Variants in CHD4 observed in about 807,000 individuals in gnomAD.
The protein encoded by CHD4 is chromodomain helicase DNA binding protein 4.
A neutral mutation model predicts 235.5 loss-of-function variants in CHD4; 35 were observed. The observed-to-expected ratio is 0.15, with a 90% CI of 0.11 to 0.20. The LOEUF is 0.20. Ranked by LOEUF, CHD4 falls within the 10% of genes least tolerant of loss-of-function variation. The pLI, the probability that CHD4 is intolerant of heterozygous loss-of-function variation, is 1.00. For synonymous variants in CHD4, 900 were observed against 850.2 expected, an observed-to-expected ratio of 1.06 and a Z score of -1.02; for missense variants, 1,329 against 2,432.3, an observed-to-expected ratio of 0.55 and a Z score of 9.54.
At chr12:6,589,625 G>A (rs1948356925) in intron 22 of CHD4, among the ~76,000 whole-genome samples, 1 of 151,486 alleles carries the variant, frequency 6.6e-6, no homozygotes, top group Non-Finnish European at 1.5e-5. Context: ...AAATTAGCCG[G>A]GCGTGGTGGC....
chr12:6,592,595 T>C (rs1948419515), intron 18 of CHD4, 29 bp from the exon 19 acceptor site: 2 of 1,582,124 alleles, frequency 1.3e-6, no homozygotes, highest in East Asian at 2.3e-5. Flanking sequence ...AAAAAGTTAT[T>C]GGAGAAGGAG....
intron 1 of CHD4, chr12:6,606,861 G>A (rs1009380515): frequency 6.5e-6 from 1 of 154,022 alleles, no homozygotes; most frequent in African/African-American, 2.4e-5. Context: ...CCCCAGACAG[G>A]GCAGCTCTCC....
At chr12:6,597,816 G>A (rs11064276) in intron 12 of CHD4, 78 bp downstream of exon 12, 41,067 of 1,275,136 alleles carry the variant, frequency 0.032, 2,508 homozygotes, top group East Asian at 0.28. Context: ...CTAAGTTACT[G>A]GTGACAGCCA....
Position 6,600,529 on chromosome 12 carries a change from C to T in CHD4, c.1063+5G>A. ...CCATCACAAATATACAGAAGAGAAACACACCTTTCTTTTTCTTTTTAGTGG... is the reference window on the plus strand; with the variant it reads ...CCATCACAAATATACAGAAGAGAAATACACCTTTCTTTTTCTTTTTAGTGG... On this transcript the variant is annotated splice_donor_5th_base_variant and intron_variant, in intron 8 of 39. Coordinates refer to ENST00000544040, the MANE Select transcript of CHD4 (RefSeq NM_001273.5). The T allele has an allele frequency of 6.4e-7, 1 of 1,574,378 alleles. No individual in the cohort carries two copies. Among genetic ancestry groups the T allele is most frequent in the South Asian group, 1.1e-5 (1 of 90,376 alleles).
chr12:6,595,681 G>A (rs1018772391), intron 13 of CHD4, among the ~76,000 whole-genome samples: 30 of 151,908 alleles, frequency 2.0e-4, no homozygotes, highest in African/African-American at 6.0e-4. Context: ...TCAGCTACTC[G>A]GGAGACTGAG....
In CHD4 at chr12:6,592,419, C is replaced by T. The variant is rs1270228072; in HGVS notation, c.2922G>A (p.Val974=). The stretch of plus-strand genomic sequence containing the variant: ...TCTGCATAGGGCTCAGCTCCACACG[C>T]ACAATTAGTTCTGTCTTGGAGGGCA... ...KNMPSKTELI[V]RVELSPMQKK... is the part of the protein sequence containing the mutation. The change falls in exon 19 of 40, where the codon GTG becomes GTA. Residue 974 remains valine, a synonymous_variant. Transcript: ENST00000544040. 9 of 1,597,414 alleles carry T rather than the reference C, an allele frequency of 5.6e-6. No homozygotes were observed. Among genetic ancestry groups the T allele is most frequent in the Non-Finnish European group, 7.7e-6 (9 of 1,168,368 alleles).
At chr12:6,577,678 G>A in intron 37 of CHD4, 107 bp downstream of exon 37, 1 of 1,440,596 alleles carries the variant, frequency 6.9e-7, no homozygotes, top group Non-Finnish European at 9.5e-7. Flanking sequence ...TCCATAGAAT[G>A]AAGAAAGTGA....
chr12:6,590,156 C>G (rs1253211472), intron 22 of CHD4: 1 of 152,132 alleles, frequency 6.6e-6, no homozygotes, highest in Non-Finnish European at 1.5e-5. Flanking sequence ...CAAGATCGCG[C>G]CACTGCACTC....
chr12:6,582,799 A>C (rs1948218637), intron 28 of CHD4, 49 bp downstream of exon 28: 1 of 1,614,024 alleles, frequency 6.2e-7, no homozygotes, highest in East Asian at 2.2e-5. Context: ...ATTCCACCAA[A>C]GATGCAATAT....
At chr12:6,592,282 T>C (rs1948414617) in intron 19 of CHD4, 111 bp downstream of exon 19, 13 of 1,413,436 alleles carry the variant, frequency 9.2e-6, no homozygotes, top group African/African-American at 1.4e-5. Flanking sequence ...TCTTCAGGCC[T>C]TGCTTGCTCC....
chr12:6,581,619 G>A (rs756750413), intron 31 of CHD4, 30 bp downstream of exon 31: 9 of 1,613,974 alleles, frequency 5.6e-6, no homozygotes, highest in South Asian at 2.2e-5. Flanking sequence ...AAAAGAGAGG[G>A]ACAGAAAATG....
chr12:6,571,005 C>T lies in CHD4; in HGVS notation c.5585G>A (p.Ser1862Asn), dbSNP rs763763367. 1.2e-6 allele frequency: 2 copies of T among 1,614,170 alleles called. No individual in the cohort carries two copies. The highest frequency in any genetic ancestry group is 1.7e-6 in the Non-Finnish European group (2 of 1,180,034). The part of the protein sequence containing the change: ...KVLKQLEELL[S>N]DMKADVTRLP... ...TCGAGTCACATCAGCTTTCATGTCA[C>T]TCAGCAGTTCTTCCAGCTGTTTCAG... The change falls in exon 39 of 40, where the codon AGT (serine) becomes AAT (asparagine). Residue 1862 changes from serine to asparagine, a missense_variant. Coordinates refer to ENST00000544040, the MANE Select transcript of CHD4 (RefSeq NM_001273.5).
chr12:6,592,092 G>T, intron 19 of CHD4, 35 bp from the exon 20 acceptor site: 1 of 1,612,742 alleles, frequency 6.2e-7, no homozygotes, highest in Non-Finnish European at 8.5e-7. Flanking sequence ...GGTTAGACTT[G>T]AGAGCCTTTC....
chr12:6,599,752 C>T (rs747569270), intron 10 of CHD4, 21 bp downstream of exon 10: 19 of 1,610,190 alleles, frequency 1.2e-5, no homozygotes, highest in South Asian at 5.5e-5. Context: ...TTTTTTGCCC[C>T]GGCTGAGATC....
chr12:6,593,248 G>C lies in CHD4; in HGVS notation c.2515-20C>G, dbSNP rs1302086424. On this transcript the variant is annotated intron_variant, in intron 16 of 39. Transcript: ENST00000544040. The surrounding 1 kb of genome is among the most constrained non-coding windows in gnomAD (Gnocchi z 4.9). The stretch of plus-strand genomic sequence containing the variant: ...CTCTTTCTGCACATGAAGGCAACTT[G>C]GTCACTACTAGTCAGTTCCTCTGTG... The C allele has an allele frequency of 6.2e-7, 1 of 1,613,760 alleles. No homozygotes were observed. Among genetic ancestry groups the C allele is most frequent in the Non-Finnish European group, 8.5e-7 (1 of 1,179,976 alleles).
chr12:6,571,828 G>C (rs1947976903), intron 38 of CHD4: 1 of 152,244 alleles, frequency 6.6e-6, no homozygotes, highest in African/African-American at 2.4e-5. Flanking sequence ...GGGCATGGTG[G>C]CAGGCGCCTG....
chr12:6,585,267 G>A (rs952405865), intron 25 of CHD4, among the ~76,000 whole-genome samples: 1 of 151,968 alleles, frequency 6.6e-6, no homozygotes, highest in African/African-American at 2.4e-5. Flanking sequence ...AAGAAGGGAG[G>A]AGAATAAAAA....
In CHD4 at chr12:6,581,069, C is replaced by G; in HGVS notation, c.4884G>C (p.Glu1628Asp). 1.9e-6 allele frequency: 3 copies of G among 1,614,092 alleles called. No individual in the cohort carries two copies. Among genetic ancestry groups the G allele is most frequent in the Non-Finnish European group, 2.5e-6 (3 of 1,180,006 alleles). ...VEKAEVKERT[E>D]EPMETEPKGA... is the part of the protein sequence containing the mutation. ...CTTTGGGCTCTGTCTCCATAGGTTC[C>G]TCTGTTCTCTCCTTCACCTCTGCCT... Residue 1628 changes from glutamate to aspartate, a missense_variant, in exon 33 of 40, where the codon GAG (glutamate) becomes GAC (aspartate). Glu to Asp is a conservative substitution (Grantham distance 45). This residue lies in a region of CHD4 where 219 missense variants were observed against 219.3 expected (regional missense o/e 1.00). Transcript: ENST00000544040.
At chr12:6,596,797 T>G (rs539832524) in intron 12 of CHD4, among the ~76,000 whole-genome samples, 1 of 142,236 alleles carries the variant, frequency 7.0e-6, no homozygotes, top group Non-Finnish European at 1.6e-5. Flanking sequence ...GAGACTCCAT[T>G]TCAAAAAAAA....
Sources: allele counts gnomAD v4.1 joint callset (sites outside exome capture counted in the v4.1 genomes callset), GRCh38; gene constraint gnomAD v4.1.1; regional missense constraint gnomAD v4.1.1; non-coding constraint Gnocchi (gnomAD v3.1); transcripts MANE v1.5; gene names NCBI Gene and HGNC (gene_info 2026-07-23, HGNC 2026-07-21).